ZFR: variants seen among roughly 807,000 people sequenced by gnomAD.
ZFR encodes the protein zinc finger RNA binding protein.
A neutral mutation model predicts 130.7 loss-of-function variants in ZFR; 19 were observed. The observed-to-expected ratio is 0.15, with a 90% confidence interval of 0.10 to 0.21. ZFR has a LOEUF of 0.21. Among genes scored for constraint, ZFR ranks in the 10% least tolerant of loss-of-function variants. ZFR has a pLI of 1.00. For synonymous variants in ZFR, 466 were observed against 456.9 expected (o/e 1.02, Z -0.25); for missense variants, 872 against 1,321.5 (o/e 0.66, Z 5.27).
intron 2 of ZFR, among the ~76,000 whole-genome samples, chr5:32,422,798 C>CAAA (rs10693151): frequency 0.31 from 7,472 of 23,900 alleles, 1,755 homozygotes; most frequent in Middle Eastern, 0.62. Context: ...AAACCTGTCT[C>CAAA]AAAAAAAAAA....
intron 6 of ZFR, among the ~76,000 whole-genome samples, chr5:32,406,152 C>T (rs772335483): frequency 6.6e-6 from 1 of 152,106 alleles, no homozygotes; most frequent in South Asian, 2.1e-4. Context: ...CATAATCACC[C>T]GTTTTAATGT....
intron 5 of ZFR, 75 bp downstream of exon 5, chr5:32,414,894 A>C: frequency 1.5e-6 from 2 of 1,332,246 alleles, no homozygotes. Context: ...GGTAATTTCA[A>C]AGACAATCAA....
intron 2 of ZFR, 44 bp from the exon 3 acceptor site, chr5:32,420,147 T>C: frequency 3.6e-6 from 5 of 1,405,128 alleles, no homozygotes; most frequent in South Asian, 1.8e-5. Context: ...AATTTTAATA[T>C]CCAGGAGTTA....
At chr5:32,415,523 C>CGTGCGCGT (rs781310157) in intron 4 of ZFR, among the ~76,000 whole-genome samples, 6 of 132,036 alleles carry the variant, frequency 4.5e-5, no homozygotes, top group Non-Finnish European at 9.9e-5. Context: ...TGTGCGCGCG[C>CGTGCGCGT]GCGCGCGCGC....
intron 17 of ZFR, among the ~76,000 whole-genome samples, chr5:32,369,692 G>C (rs1283951185): frequency 6.6e-6 from 1 of 152,000 alleles, no homozygotes; most frequent in Non-Finnish European, 1.5e-5. Context: ...TGCACCTACA[G>C]TCCTATGTAC....
At chr5:32,357,878 A>C (rs1752346680) in intron 19 of ZFR, among the ~76,000 whole-genome samples, 2 of 152,354 alleles carry the variant, frequency 1.3e-5, no homozygotes, top group South Asian at 2.1e-4. Context: ...TTGAAGCATC[A>C]GGTCTGTCAT....
intron 17 of ZFR, among the ~76,000 whole-genome samples, chr5:32,371,890 C>T (rs879456550): frequency 1.3e-5 from 2 of 151,688 alleles, no homozygotes; most frequent in Non-Finnish European, 2.9e-5. Context: ...CATAGAGCCC[C>T]AAATTAGCTT....
At chr5:32,419,502 T>C (rs1169713207) in intron 3 of ZFR, among the ~76,000 whole-genome samples, 3 of 152,114 alleles carry the variant, frequency 2.0e-5, no homozygotes, top group Non-Finnish European at 4.4e-5. Flanking sequence ...TGCACCCAGC[T>C]AATTTTTGTA....
intron 17 of ZFR, 125 bp downstream of exon 17, chr5:32,378,990 T>C: frequency 1.5e-6 from 1 of 660,424 alleles, no homozygotes; most frequent in Non-Finnish European, 2.5e-6. Flanking sequence ...GGATTTTTCA[T>C]CAGAAAAGAA....
intron 14 of ZFR, 110 bp downstream of exon 14, chr5:32,387,439 C>A: frequency 7.6e-7 from 1 of 1,323,690 alleles, no homozygotes; most frequent in Non-Finnish European, 1.0e-6. Flanking sequence ...TACAGAAAGT[C>A]AAGCCAAAAT....
intron 2 of ZFR, among the ~76,000 whole-genome samples, chr5:32,438,421 G>T (rs559681474): frequency 1.3e-5 from 2 of 151,784 alleles, no homozygotes; most frequent in South Asian, 2.1e-4. Flanking sequence ...GCACCACCAC[G>T]CCTGGCTAAT....
chr5:32,440,492 C>A (rs1179862666), intron 2 of ZFR, among the ~76,000 whole-genome samples: 2 of 151,926 alleles, frequency 1.3e-5, no homozygotes, highest in South Asian at 2.1e-4. Context: ...ACTAAAAATA[C>A]AAAAACTAGC....
intron 3 of ZFR, among the ~76,000 whole-genome samples, chr5:32,419,454 C>T (rs1753904700): frequency 6.6e-6 from 1 of 152,180 alleles, no homozygotes; most frequent in Non-Finnish European, 1.5e-5. Flanking sequence ...TCTCGTGCCT[C>T]AGCCTCCTGA....
chr5:32,428,240 C>T (rs1379601306), intron 2 of ZFR, among the ~76,000 whole-genome samples: 3 of 152,208 alleles, frequency 2.0e-5, no homozygotes, highest in African/African-American at 7.2e-5. Flanking sequence ...ATGGTGAAAC[C>T]CTGTCTCTAC....
chr5:32,440,175 C>G (rs2111876929), intron 2 of ZFR, among the ~76,000 whole-genome samples: 1 of 152,292 alleles, frequency 6.6e-6, no homozygotes, highest in South Asian at 2.1e-4. Flanking sequence ...GTACTCTACT[C>G]TTAACAGGTT....
At chr5:32,362,435 G>C (rs1050656248) in intron 19 of ZFR, among the ~76,000 whole-genome samples, 3 of 152,060 alleles carry the variant, frequency 2.0e-5, no homozygotes, top group African/African-American at 7.2e-5. Flanking sequence ...CATTAACATG[G>C]GCGCTACAGG....
intron 17 of ZFR, chr5:32,365,041 CCA>C (rs1752512569): frequency 6.6e-6 from 1 of 152,178 alleles, no homozygotes; most frequent in East Asian, 1.9e-4. Flanking sequence ...TAAATCACTT[CCA>C]GTTTCTACAG....
At chr5:32,359,158 T>C (rs1287657053) in intron 19 of ZFR, among the ~76,000 whole-genome samples, 3 of 152,216 alleles carry the variant, frequency 2.0e-5, no homozygotes, top group African/African-American at 7.2e-5. Context: ...CACTCCAGCC[T>C]GTGTGACAGT....
chr5:32,396,248 G>C (rs937416624), intron 10 of ZFR, among the ~76,000 whole-genome samples: 3 of 151,162 alleles, frequency 2.0e-5, no homozygotes, highest in Non-Finnish European at 2.9e-5. Context: ...TTTTGACTGC[G>C]TGAGGGGCCC....
Sources: gnomAD v4.1 joint callset for allele counts (sites outside exome capture counted in the v4.1 genomes callset) on GRCh38, gnomAD v4.1.1 for gene constraint, MANE v1.5 for transcripts, NCBI Gene and HGNC (gene_info 2026-07-23, HGNC 2026-07-21) for gene names.